TTC28: variants seen among roughly 807,000 people sequenced by gnomAD.
The protein encoded by TTC28 is tetratricopeptide repeat domain 28.
In TTC28, 61 loss-of-function variants were observed where a neutral mutation model predicts 198.0. That is an observed-to-expected ratio of 0.31 (90% CI 0.25 to 0.38). TTC28 has a LOEUF of 0.38. Ranked by LOEUF, TTC28 falls within the 10% of genes least tolerant of loss-of-function variation. The pLI, the probability that TTC28 is intolerant of heterozygous loss-of-function variation, is 1.00. For synonymous variants in TTC28, 1,171 were observed against 1,297.8 expected (o/e 0.90, Z 2.10); for missense variants, 2,678 against 3,164.0 (o/e 0.85, Z 3.69).
chr22:28,053,498 C>T (rs16985919), intron 12 of TTC28, among the ~76,000 whole-genome samples: 2,110 of 152,280 alleles, frequency 0.014, 67 homozygotes, highest in African/African-American at 0.049. Context: ...AGACGGAATA[C>T]TGGAAAATCC....
At chr22:28,620,519 AT>A (rs2050978088) in intron 2 of TTC28, among the ~76,000 whole-genome samples, 1 of 152,196 alleles carries the variant, frequency 6.6e-6, no homozygotes, top group Non-Finnish European at 1.5e-5. Flanking sequence ...TTCAATGGAA[AT>A]TTTAAACAAG....
chr22:28,097,437 C>A (rs1025421796), intron 10 of TTC28, among the ~76,000 whole-genome samples: 3 of 152,210 alleles, frequency 2.0e-5, no homozygotes, highest in Non-Finnish European at 2.9e-5. Context: ...AGAGTTTAAC[C>A]TCTAAGGTCT....
At chr22:28,182,427 T>C (rs1162813770) in intron 5 of TTC28, among the ~76,000 whole-genome samples, 2 of 152,028 alleles carry the variant, frequency 1.3e-5, no homozygotes, top group Non-Finnish European at 2.9e-5. Context: ...CAGGATATAT[T>C]GAAGAAACTC....
intron 2 of TTC28, among the ~76,000 whole-genome samples, chr22:28,396,648 C>G (rs191469052): frequency 6.6e-6 from 1 of 152,302 alleles, no homozygotes; most frequent in East Asian, 1.9e-4. Flanking sequence ...ACCCACAGCT[C>G]TAAAAGGCAA....
intron 5 of TTC28, among the ~76,000 whole-genome samples, chr22:28,215,269 C>T (rs996777959): frequency 6.6e-6 from 1 of 152,138 alleles, no homozygotes; most frequent in Admixed American, 6.6e-5. Context: ...TACCCTAGAT[C>T]TTAAAGTATA....
chr22:28,275,884 G>A (rs1050049170), intron 5 of TTC28, among the ~76,000 whole-genome samples: 2 of 152,242 alleles, frequency 1.3e-5, no homozygotes, highest in African/African-American at 4.8e-5. Flanking sequence ...TCCAAAGGGT[G>A]GCTAGGTAAT....
intron 2 of TTC28, among the ~76,000 whole-genome samples, chr22:28,346,115 T>C (rs2045898935): frequency 6.6e-6 from 1 of 152,188 alleles, no homozygotes; most frequent in South Asian, 2.1e-4. Context: ...AAACAAGTAC[T>C]ACTAGCCCAT....
intron 2 of TTC28, among the ~76,000 whole-genome samples, chr22:28,558,700 T>C (rs1176908855): frequency 6.8e-6 from 1 of 147,550 alleles, no homozygotes; most frequent in African/African-American, 2.5e-5. Context: ...GAAAAAAAGA[T>C]ATATTGTAAA....
At chr22:28,061,546 C>G (rs578229644) in intron 12 of TTC28, among the ~76,000 whole-genome samples, 11 of 152,272 alleles carry the variant, frequency 7.2e-5, no homozygotes, top group African/African-American at 2.6e-4. Context: ...GGCGTTATAC[C>G]TGAGGGCTCT....
At chr22:28,182,253 T>C (rs1923769342) in intron 5 of TTC28, among the ~76,000 whole-genome samples, 1 of 152,176 alleles carries the variant, frequency 6.6e-6, no homozygotes, top group African/African-American at 2.4e-5. Context: ...AGGAAACATA[T>C]TCTATCACAA....
At chr22:28,085,899 T>C (rs547849194) in intron 12 of TTC28, among the ~76,000 whole-genome samples, 95 of 151,828 alleles carry the variant, frequency 6.3e-4, no homozygotes, top group Non-Finnish European at 1.1e-3. Flanking sequence ...CCAACAAAGA[T>C]CAAAAGAGAC....
chr22:28,455,865 G>A (rs2047851591), intron 2 of TTC28, among the ~76,000 whole-genome samples: 1 of 151,794 alleles, frequency 6.6e-6, no homozygotes, highest in African/African-American at 2.4e-5. Context: ...AATTTGCTTT[G>A]TAAAGAATGC....
chr22:28,220,965 T>A (rs1027286253), intron 5 of TTC28, among the ~76,000 whole-genome samples: 1 of 152,076 alleles, frequency 6.6e-6, no homozygotes, highest in Non-Finnish European at 1.5e-5. Flanking sequence ...TAAATCTATA[T>A]CCATAGGGAG....
chr22:28,609,813 A>C (rs2050790019), intron 2 of TTC28, among the ~76,000 whole-genome samples: 1 of 152,180 alleles, frequency 6.6e-6, no homozygotes, highest in Non-Finnish European at 1.5e-5. Context: ...ACCCACACGG[A>C]GCCCAGCAAG....
intron 2 of TTC28, among the ~76,000 whole-genome samples, chr22:28,402,791 A>G (rs1301678744): frequency 2.6e-5 from 4 of 152,246 alleles, no homozygotes; most frequent in Non-Finnish European, 5.9e-5. Context: ...CACACAGGAC[A>G]CACTCAGTAA....
At position 28,005,226 on chromosome 22, in the gene TTC28, T is replaced by C. The variant is rs1937887015; in HGVS notation, c.4219-3673A>G. Among the ~76,000 whole-genome samples, 1 of 152,146 alleles carries C rather than the reference T, an allele frequency of 6.6e-6. No homozygotes were observed. The highest frequency in any genetic ancestry group is 1.5e-5 in the Non-Finnish European group (1 of 68,028). On this transcript the variant is annotated intron_variant, in intron 14 of 22. Transcript: ENST00000397906. The surrounding 1 kb of genome is among the most constrained non-coding windows in gnomAD (Gnocchi z 4.9). ...AAATGATGCTTGAGAACTTACGGTGTTCCAGGCCAGGTGAGGGAAAAGGGG... is the reference window on the plus strand; with the variant it reads ...AAATGATGCTTGAGAACTTACGGTGCTCCAGGCCAGGTGAGGGAAAAGGGG...
Position 28,348,116 on chromosome 22 carries a change from T to C in TTC28, c.382-41473A>G, listed in dbSNP as rs2033032651. ...GCAGCTTGGTTTCAGACAGTCAACC[T>C]AGTGCTTAGGGCTGTTATAGAAGAA... is the stretch of plus-strand genomic sequence containing the variant. On this transcript the variant is annotated intron_variant, in intron 2 of 22. Transcript: ENST00000397906. Among the ~76,000 whole-genome samples, 3 of 152,210 alleles carry C rather than the reference T, an allele frequency of 2.0e-5. No individual in the cohort carries two copies. The South Asian group carries it at 6.2e-4, about 32-fold the overall frequency.
chr22:28,143,592 C>T (rs1246846257), intron 6 of TTC28, among the ~76,000 whole-genome samples: 1 of 152,020 alleles, frequency 6.6e-6, no homozygotes, highest in Non-Finnish European at 1.5e-5. Flanking sequence ...CTCCCTTTTT[C>T]AAGATTTAAT....
intron 13 of TTC28, among the ~76,000 whole-genome samples, chr22:28,015,747 A>C (rs1938345717): frequency 6.6e-6 from 1 of 151,890 alleles, no homozygotes. Context: ...CTTAACCTCG[A>C]TTTAGACACT....
Sources: gnomAD v4.1 joint callset for allele counts (sites outside exome capture counted in the v4.1 genomes callset) on GRCh38, gnomAD v4.1.1 for gene constraint, Gnocchi (gnomAD v3.1) non-coding constraint, MANE v1.5 for transcripts, NCBI Gene and HGNC (gene_info 2026-07-23, HGNC 2026-07-21) for gene names.